The following SCAPER variants were observed in gnomAD, a reference collection of about 807,000 sequenced individuals.
The protein encoded by SCAPER is S-phase cyclin A associated protein in the ER.
Under a neutral mutation model 182.2 loss-of-function variants are expected in SCAPER, and 98 were observed. That is an observed-to-expected ratio of 0.54 (90% confidence interval 0.46 to 0.64). The LOEUF is 0.64. Among genes scored for constraint, SCAPER ranks in the 30% least tolerant of loss-of-function variants. SCAPER has a pLI of 0.00. For synonymous variants in SCAPER, 605 were observed against 564.6 expected, an observed-to-expected ratio of 1.07 and a Z score of -1.01; for missense variants, 1,432 against 1,690.0, an observed-to-expected ratio of 0.85 and a Z score of 2.68.
At chr15:76,736,978 A>T (rs1598438984) in intron 15 of SCAPER, 2 of 152,312 alleles carry the variant, frequency 1.3e-5, no homozygotes, top group Non-Finnish European at 2.9e-5. Flanking sequence ...TTTTCACCAC[A>T]TTTGCAGTTG....
At chr15:76,538,903 T>A (rs905637874) in intron 23 of SCAPER, among the ~76,000 whole-genome samples, 2 of 152,026 alleles carry the variant, frequency 1.3e-5, no homozygotes, top group Admixed American at 6.6e-5. Context: ...CCGAAAAACA[T>A]GAAGACTGAT....
chr15:76,865,981 C>A (rs1021463551), intron 2 of SCAPER, among the ~76,000 whole-genome samples: 1 of 152,150 alleles, frequency 6.6e-6, no homozygotes, highest in African/African-American at 2.4e-5. Context: ...AAAGTCACTT[C>A]TCTACTCATT....
At chr15:76,874,322 A>G (rs1235403616) in intron 2 of SCAPER, among the ~76,000 whole-genome samples, 3 of 152,248 alleles carry the variant, frequency 2.0e-5, no homozygotes, top group African/African-American at 4.8e-5. Flanking sequence ...GAAACTGCAT[A>G]GCTTTAAAGG....
In SCAPER at chr15:76,682,414, G is replaced by A. The variant is rs550610202; in HGVS notation, c.2509-16625C>T. 3.2e-3 allele frequency among the ~76,000 whole-genome samples: 485 copies of A among 152,068 alleles called. 5 individuals are homozygous for A. Among genetic ancestry groups the A allele is most frequent in the African/African-American group, 0.011 (462 of 41,464 alleles). ...TTTGAATGTGCACACAGACATTGGC[G>A]GCCCCATGCCCATCAACACCCTGCC... On this transcript the variant is annotated intron_variant, in intron 20 of 31. Coordinates refer to ENST00000563290, the MANE Select transcript of SCAPER (RefSeq NM_020843.4).
At chr15:76,756,116 C>T (rs956954855) in intron 14 of SCAPER, among the ~76,000 whole-genome samples, 4 of 152,032 alleles carry the variant, frequency 2.6e-5, no homozygotes, top group East Asian at 1.9e-4. Flanking sequence ...TGGTGGTGCA[C>T]GCCTATAATC....
intron 22 of SCAPER, among the ~76,000 whole-genome samples, chr15:76,588,229 T>C (rs760564477): frequency 5.3e-5 from 8 of 152,192 alleles, no homozygotes; most frequent in Non-Finnish European, 8.8e-5. Flanking sequence ...GCCCTGTCTC[T>C]CTTATTTCTT....
At chr15:76,703,626 C>A (rs752130542) in intron 18 of SCAPER, among the ~76,000 whole-genome samples, 3 of 152,176 alleles carry the variant, frequency 2.0e-5, no homozygotes, top group Non-Finnish European at 2.9e-5. Context: ...ACTCATCCTC[C>A]TTTCAAGATC....
chr15:76,743,544 T>C (rs1032409249), intron 15 of SCAPER, among the ~76,000 whole-genome samples: 4 of 151,542 alleles, frequency 2.6e-5, no homozygotes, highest in African/African-American at 9.7e-5. Flanking sequence ...CACAATACCA[T>C]ACAAAATAGC....
intron 22 of SCAPER, among the ~76,000 whole-genome samples, chr15:76,578,197 C>T (rs1409735459): frequency 6.6e-6 from 1 of 152,062 alleles, no homozygotes. Context: ...GAACACAGCA[C>T]CAGGTTGATT....
intron 21 of SCAPER, among the ~76,000 whole-genome samples, chr15:76,658,466 G>T (rs1294265921): frequency 1.3e-5 from 2 of 152,042 alleles, no homozygotes; most frequent in Non-Finnish European, 2.9e-5. Flanking sequence ...AGAATCTATT[G>T]TTAACATGGC....
Position 76,765,471 on chromosome 15 carries a change from A to G in SCAPER, c.1496-17T>C, listed in dbSNP as rs2151279620. On this transcript the variant is annotated splice_polypyrimidine_tract_variant and intron_variant, in intron 12 of 31. Transcript: ENST00000563290. ...ACTCACGAGCTGTTCAGAAAAAAAT[A>G]CTATTATTGTTTAGCCACATAGGTC... The G allele has an allele frequency of 1.2e-6, 2 of 1,611,868 alleles. No individual in the cohort carries two copies. The highest frequency in any genetic ancestry group is 1.7e-6 in the Non-Finnish European group (2 of 1,178,348).
chr15:76,524,604 CA>C (rs2043048354), intron 23 of SCAPER, among the ~76,000 whole-genome samples: 1 of 151,304 alleles, frequency 6.6e-6, no homozygotes, highest in Admixed American at 6.6e-5. Context: ...ATGACAGTCC[CA>C]AATTCTGCTT....
At chr15:76,751,553 C>T (rs867563440) in intron 15 of SCAPER, among the ~76,000 whole-genome samples, 7 of 151,648 alleles carry the variant, frequency 4.6e-5, no homozygotes, top group Non-Finnish European at 5.9e-5. Context: ...GAATAGAACA[C>T]GGGGCTAAGA....
In SCAPER at chr15:76,804,560, T is replaced by C; in HGVS notation, c.467A>G (p.Lys156Arg). Residue 156 changes from lysine (K) to arginine (R), a missense_variant, in exon 6 of 32, where the codon AAG becomes AGG. Transcript: ENST00000563290. ...ALIDWIQLQE[K>R]LEKTDAQSRP... ...GCTTTGAGCATCTGTCTTCTCTAGC[T>C]TTTCCTGAAGCTGAATCCAGTCAAT... 1 of 1,611,176 alleles carries C rather than the reference T, an allele frequency of 6.2e-7. No individual in the cohort carries two copies. Among genetic ancestry groups the C allele is most frequent in the Non-Finnish European group, 8.5e-7 (1 of 1,178,886 alleles).
rs564746733 is a variant in SCAPER, at chr15:76,849,717, C to T, written c.196-7786G>A. 1.3e-4 allele frequency among the ~76,000 whole-genome samples: 20 copies of T among 152,296 alleles called. No individual in the cohort carries two copies. In the South Asian group the frequency reaches 3.9e-3, roughly 30 times the overall value. On this transcript the variant is annotated intron_variant, in intron 4 of 31. Transcript: ENST00000563290. ...TAAGCACCACCTACTGGATCACATCCCAAAGCTTCAACACCAAAAATACGC... is the reference window on the plus strand; with the variant it reads ...TAAGCACCACCTACTGGATCACATCTCAAAGCTTCAACACCAAAAATACGC...
At chr15:76,903,171 A>T (rs1411185599) in intron 1 of SCAPER, among the ~76,000 whole-genome samples, 2 of 152,202 alleles carry the variant, frequency 1.3e-5, no homozygotes, top group African/African-American at 4.8e-5. Flanking sequence ...CCTTAATATC[A>T]ATCTTTTAGG....
At position 76,599,424 on chromosome 15, in the gene SCAPER, T is replaced by C. The variant is rs191278734; in HGVS notation, c.2711+22340A>G. 4.9e-5 allele frequency among the ~76,000 whole-genome samples: 6 copies of C among 121,708 alleles called. 1 individual carries two copies. Among genetic ancestry groups the C allele is most frequent in the East Asian group, 4.4e-4 (2 of 4,548 alleles). The allele number at this position is 121,708 out of a possible 152,430, so 79.8% of individuals were successfully genotyped here. A position where few individuals can be genotyped will look rare whatever the true frequency, so the allele number is the denominator to read the frequency against. On this transcript the variant is annotated intron_variant, in intron 22 of 31. Transcript: ENST00000563290. ...CATTCATGCCTAGGTGTTCACCCAA[T>C]AGAAATGAAAACTTATATCCAAAAT...
intron 23 of SCAPER, among the ~76,000 whole-genome samples, chr15:76,552,406 G>C (rs991266796): frequency 2.0e-5 from 3 of 152,148 alleles, no homozygotes; most frequent in Admixed American, 2.0e-4. Context: ...TCATCGGAGG[G>C]AAGGCATTGA....
chr15:76,849,886 G>A (rs1319130795), intron 4 of SCAPER, among the ~76,000 whole-genome samples: 11 of 152,188 alleles, frequency 7.2e-5, no homozygotes, highest in Admixed American at 5.9e-4. Context: ...AGGCAAAGGA[G>A]AAACAGGCAC....
Sources: allele counts gnomAD v4.1 joint callset (sites outside exome capture counted in the v4.1 genomes callset), GRCh38; gene constraint gnomAD v4.1.1; transcripts MANE v1.5; gene names NCBI Gene and HGNC (gene_info 2026-07-23, HGNC 2026-07-21).